The following GPATCH2 variants were observed in gnomAD, a reference collection of about 807,000 sequenced individuals.
GPATCH2 encodes G-patch domain containing 2.
Under a neutral mutation model 58.0 loss-of-function variants are expected in GPATCH2, and 51 were observed. That is an observed-to-expected ratio of 0.88 (90% CI 0.70 to 1.11). GPATCH2 has a LOEUF of 1.11. GPATCH2 is among the 50% of genes most tolerant of loss of function. The pLI is 0.00. For synonymous variants in GPATCH2, 222 were observed against 218.5 expected (o/e 1.02, Z -0.14); for missense variants, 625 against 652.2 (o/e 0.96, Z 0.45).
chr1:217,631,038 G>C lies in GPATCH2; in HGVS notation c.-67C>G. On this transcript the variant is annotated 5_prime_UTR_variant, in exon 1 of 10. Coordinates refer to ENST00000366935, the MANE Select transcript of GPATCH2 (RefSeq NM_018040.5). The stretch of plus-strand genomic sequence containing the variant: ...AACAGACTCCAACTACAACAGCACC[G>C]GCGACTTCCAAAGAGCAGTTCAGCA... 7.0e-7 allele frequency: 1 copy of C among 1,427,338 alleles called. No individual in the cohort carries two copies. The highest frequency in any genetic ancestry group is 2.4e-5 in the East Asian group (1 of 40,838). The allele number at this position is 1,427,338 out of a possible 1,614,324, so 88.4% of individuals were successfully genotyped here.
rs10524566 is a variant in GPATCH2 at position 217,468,515 on chromosome 1, CCACACACACACACA to C, written c.1278-19192_1278-19179del. Among the ~76,000 whole-genome samples, 507 of 142,702 alleles carry C rather than the reference CCACACACACACACA, an allele frequency of 3.6e-3. 4 individuals are homozygous for C. Among genetic ancestry groups the C allele is most frequent in the African/African-American group, 0.012 (444 of 37,620 alleles). The allele number at this position is 142,702 out of a possible 152,430, so 93.6% of individuals were successfully genotyped here. ...AAAATGTCAAGGAATGCACACACAA[CCACACACACACACA>C]CACACACACACACACACACACACAC... is the stretch of plus-strand genomic sequence containing the variant. On this transcript the variant is annotated intron_variant, in intron 8 of 9. Coordinates refer to ENST00000366935, the MANE Select transcript of GPATCH2 (RefSeq NM_018040.5).
intron 6 of GPATCH2, among the ~76,000 whole-genome samples, chr1:217,499,451 C>T (rs775249677): frequency 5.3e-5 from 8 of 152,140 alleles, no homozygotes; most frequent in Non-Finnish European, 1.2e-4. Context: ...TCTCCTGGGA[C>T]GCTCCAAGAC....
At chr1:217,433,339 T>C (rs1357751990) in intron 9 of GPATCH2, among the ~76,000 whole-genome samples, 1 of 149,478 alleles carries the variant, frequency 6.7e-6, no homozygotes, top group Admixed American at 6.7e-5. Context: ...ATGGCCAATT[T>C]ATTATTGTTC....
intron 5 of GPATCH2, among the ~76,000 whole-genome samples, chr1:217,583,385 C>T (rs1247374494): frequency 6.6e-6 from 1 of 151,752 alleles, no homozygotes; most frequent in Non-Finnish European, 1.5e-5. Context: ...GCCTGGCAAA[C>T]ATGGTGAAAC....
chr1:217,537,887 G>T (rs1468483571), intron 5 of GPATCH2, among the ~76,000 whole-genome samples: 5 of 152,108 alleles, frequency 3.3e-5, no homozygotes, highest in African/African-American at 1.2e-4. Context: ...ACAATAAGCA[G>T]ATTATAATAT....
chr1:217,588,776 T>A (rs1437495766), intron 5 of GPATCH2, among the ~76,000 whole-genome samples: 4 of 152,130 alleles, frequency 2.6e-5, no homozygotes, highest in African/African-American at 9.7e-5. Flanking sequence ...TTATAAACTA[T>A]TGTCAGCTGA....
rs113120817 is a variant in GPATCH2 at position 217,630,530 on chromosome 1, A to G, written c.56+386T>C. Among the ~76,000 whole-genome samples the G allele has an allele frequency of 4.1e-3, 629 of 152,250 alleles. 4 individuals carry two copies. Among genetic ancestry groups the G allele is most frequent in the African/African-American group, 0.015 (604 of 41,548 alleles). Reference sequence around the variant, plus strand: ...CCAGAACTCTAGATTTCTGGAATTTATCTTCCAAAAGACTTGGTATAATCT... The same window carrying G: ...CCAGAACTCTAGATTTCTGGAATTTGTCTTCCAAAAGACTTGGTATAATCT... On this transcript the variant is annotated intron_variant, in intron 1 of 9. Coordinates refer to ENST00000366935, the MANE Select transcript of GPATCH2 (RefSeq NM_018040.5).
chr1:217,505,110 G>A (rs1662486077), intron 6 of GPATCH2, among the ~76,000 whole-genome samples: 1 of 152,164 alleles, frequency 6.6e-6, no homozygotes, highest in South Asian at 2.1e-4. Context: ...TGTAAAGAAT[G>A]GCTAGGCTCA....
chr1:217,545,964 A>C (rs1665023909), intron 5 of GPATCH2, among the ~76,000 whole-genome samples: 1 of 152,244 alleles, frequency 6.6e-6, no homozygotes, highest in South Asian at 2.1e-4. Flanking sequence ...GGGTAGGATG[A>C]ACTGTGGGTT....
At chr1:217,499,261 C>T (rs1027714870) in intron 6 of GPATCH2, among the ~76,000 whole-genome samples, 19 of 152,232 alleles carry the variant, frequency 1.2e-4, no homozygotes, top group African/African-American at 3.9e-4. Flanking sequence ...ACCATAATAC[C>T]AAGTACCTCT....
chr1:217,440,163 C>T (rs573273575), intron 9 of GPATCH2, among the ~76,000 whole-genome samples: 1 of 152,312 alleles, frequency 6.6e-6, no homozygotes, highest in East Asian at 1.9e-4. Flanking sequence ...GTTTATCCAA[C>T]ATGATCAAGT....
chr1:217,466,784 C>A (rs1660473182), intron 8 of GPATCH2, among the ~76,000 whole-genome samples: 1 of 151,412 alleles, frequency 6.6e-6, no homozygotes, highest in Non-Finnish European at 1.5e-5. Context: ...AGAATGAGGG[C>A]AAGAGAAAGG....
chr1:217,460,170 T>G (rs917304324), intron 8 of GPATCH2, among the ~76,000 whole-genome samples: 3 of 152,180 alleles, frequency 2.0e-5, no homozygotes, highest in Admixed American at 2.0e-4. Flanking sequence ...CCATTACATA[T>G]CTGAGGAATC....
chr1:217,515,768 TA>T lies in GPATCH2; in HGVS notation c.1099-880del, dbSNP rs78490084. Among the ~76,000 whole-genome samples the T allele has an allele frequency of 8.7e-3, 1,172 of 134,150 alleles. 10 individuals carry two copies. The highest frequency in any genetic ancestry group is 0.027 in the African/African-American group (998 of 37,080). The allele number at this position is 134,150 out of a possible 152,430, so 88.0% of individuals were successfully genotyped here. ...TCTTTATAATAGTGTAAATATCCTT[TA>T]AAAAAAAAAAAGACCAGTGACTTAT... On this transcript the variant is annotated intron_variant, in intron 5 of 9. Transcript: ENST00000366935.
In GPATCH2 at chr1:217,473,668, T is replaced by C. The variant is rs186706949; in HGVS notation, c.1277+18012A>G. On this transcript the variant is annotated intron_variant, in intron 8 of 9. Coordinates refer to ENST00000366935, the MANE Select transcript of GPATCH2 (RefSeq NM_018040.5). ...AGAAAGGATGTAAAAAAAAAACCCA[T>C]AGACTTATCAAACAGAAGTGTAGAG... 2.8e-3 allele frequency among the ~76,000 whole-genome samples: 427 copies of C among 150,682 alleles called. 2 individuals carry two copies. Among genetic ancestry groups the C allele is most frequent in the African/African-American group, 0.01 (413 of 41,028 alleles).
intron 9 of GPATCH2, among the ~76,000 whole-genome samples, chr1:217,448,087 A>G (rs1334065923): frequency 6.7e-6 from 1 of 148,896 alleles, no homozygotes; most frequent in Non-Finnish European, 1.5e-5. Flanking sequence ...GACAAGGGTG[A>G]AACTCTGTCT....
intron 5 of GPATCH2, among the ~76,000 whole-genome samples, chr1:217,527,800 C>T (rs1663992404): frequency 6.6e-6 from 1 of 152,188 alleles, no homozygotes; most frequent in Admixed American, 6.5e-5. Context: ...TAGTGAACAA[C>T]TACTTCATAT....
intron 8 of GPATCH2, among the ~76,000 whole-genome samples, chr1:217,477,071 G>C (rs1355182013): frequency 1.3e-5 from 2 of 152,110 alleles, no homozygotes; most frequent in Non-Finnish European, 2.9e-5. Context: ...ACCAGTCAGA[G>C]TTGTGAGGCC....
intron 5 of GPATCH2, among the ~76,000 whole-genome samples, chr1:217,537,995 T>C (rs1161102454): frequency 1.3e-5 from 2 of 152,172 alleles, no homozygotes; most frequent in African/African-American, 4.8e-5. Flanking sequence ...TATTTTTAGA[T>C]TGTATAAAGA....
Sources: allele counts gnomAD v4.1 joint callset (sites outside exome capture counted in the v4.1 genomes callset), GRCh38; gene constraint gnomAD v4.1.1; transcripts MANE v1.5; gene names NCBI Gene and HGNC (gene_info 2026-07-23, HGNC 2026-07-21).